The following FUT8 variants were observed in gnomAD, a reference collection of about 807,000 sequenced individuals.
The protein encoded by FUT8 is alpha-(1,6)-fucosyltransferase.
A neutral mutation model predicts 71.3 loss-of-function variants in FUT8; 29 were observed. That is an observed-to-expected ratio of 0.41 (90% CI 0.30 to 0.55). The LOEUF (loss-of-function observed/expected upper bound fraction) is 0.55, where lower values mean the gene tolerates loss of function less well. FUT8 is among the 20% of genes least tolerant of loss of function. The probability of loss-of-function intolerance (pLI) is 0.34; values close to 1 mark genes in which losing one functional copy is unlikely to be tolerated. For missense variants in FUT8, 544 were observed against 702.1 expected, an observed-to-expected ratio of 0.77 and a Z score of 2.55; for synonymous variants, 254 against 239.3, an observed-to-expected ratio of 1.06 and a Z score of -0.57.
At chr14:65,524,538 C>T (rs1278975766) in intron 2 of FUT8, among the ~76,000 whole-genome samples, 1 of 152,166 alleles carries the variant, frequency 6.6e-6, no homozygotes, top group Non-Finnish European at 1.5e-5. Flanking sequence ...ATTTGACTTC[C>T]TCTTTTCTCA....
rs11849252 is a variant in FUT8, at chr14:65,603,051, G to A, written c.204-12927G>A. On this transcript the variant is annotated intron_variant, in intron 3 of 10. Transcript: ENST00000673929. The surrounding 1 kb of genome is among the most constrained non-coding windows in gnomAD (Gnocchi z 4.5). ...TGTTACGTTTGCTTTTGAAGTCTTC[G>A]CCTAAGCCAATGTCTAGAAGGATTT... 6.6e-6 allele frequency among the ~76,000 whole-genome samples: 1 copy of A among 151,686 alleles called. No homozygotes were observed. Among genetic ancestry groups the A allele is most frequent in the South Asian group, 2.1e-4 (1 of 4,788 alleles).
chr14:65,571,820 A>T (rs918096843), intron 3 of FUT8, among the ~76,000 whole-genome samples: 2 of 152,128 alleles, frequency 1.3e-5, no homozygotes, highest in Admixed American at 1.3e-4. Flanking sequence ...CAAAAGTATT[A>T]TATCAGTTGT....
upstream of FUT8, chr14:65,411,122 C>G (rs189817888): frequency 5.9e-5 from 9 of 152,152 alleles, no homozygotes; most frequent in African/African-American, 2.2e-4. Context: ...CCTGCTTATA[C>G]GTTTAGTACA....
intron 1 of FUT8, among the ~76,000 whole-genome samples, chr14:65,421,813 C>T (rs1041421973): frequency 5.8e-5 from 8 of 136,848 alleles, no homozygotes; most frequent in Non-Finnish European, 1.1e-4. Flanking sequence ...GTGGCAAATC[C>T]TGTGAAGTCA....
intron 3 of FUT8, among the ~76,000 whole-genome samples, chr14:65,613,848 C>T (rs967997776): frequency 6.6e-6 from 1 of 152,086 alleles, no homozygotes; most frequent in African/African-American, 2.4e-5. Context: ...CGCCGTGGCT[C>T]ATACCTGTAA....
At position 65,539,645 on chromosome 14, in the gene FUT8, A is replaced by G. The variant is rs375584426; in HGVS notation, c.-227-21692A>G. On this transcript the variant is annotated intron_variant, in intron 2 of 10. Coordinates refer to ENST00000673929, the MANE Select transcript of FUT8 (RefSeq NM_001371533.1). ...TAGAGATAATAGAGAATGTTTATTG[A>G]GTGTTTACTATGTGCCAGATTTAAA... Among the ~76,000 whole-genome samples the G allele has an allele frequency of 1.2e-4, 19 of 152,328 alleles. 3 individuals carry two copies. Among genetic ancestry groups the G allele is most frequent in the African/African-American group, 4.3e-4 (18 of 41,578 alleles).
In FUT8 at chr14:65,729,554, G is replaced by C. The variant is rs1486283869; in HGVS notation, c.1260-3677G>C. Among the ~76,000 whole-genome samples, 5 of 149,404 alleles carry C rather than the reference G, an allele frequency of 3.3e-5. No homozygotes were observed. The East Asian group carries it at 9.9e-4, about 30-fold the overall frequency. ...TTTTTTTTTTTTTTTTTAAATACAG[G>C]GTCCAGGCTGGAGTGCAGTAGCACA... On this transcript the variant is annotated intron_variant, in intron 9 of 10. Transcript: ENST00000673929.
chr14:65,663,334 AT>A (rs1297881063), intron 6 of FUT8, among the ~76,000 whole-genome samples: 3 of 152,038 alleles, frequency 2.0e-5, no homozygotes, highest in Non-Finnish European at 4.4e-5. Flanking sequence ...AGTTCTTTTC[AT>A]CAGAATAAAT....
the FUT8 span, among the ~76,000 whole-genome samples, chr14:65,376,870 G>A: frequency 3.3e-5 from 5 of 152,136 alleles, no homozygotes; most frequent in Admixed American, 2.0e-4. Flanking sequence ...GTCTTGGAGA[G>A]CAAGGTGAGT....
chr14:65,546,796 A>T (rs1361471198), intron 2 of FUT8, among the ~76,000 whole-genome samples: 1 of 151,222 alleles, frequency 6.6e-6, no homozygotes, highest in African/African-American at 2.4e-5. Context: ...TTGTTGTTAT[A>T]TCTACCATGT....
chr14:65,688,274 C>T (rs1893398661), intron 7 of FUT8, among the ~76,000 whole-genome samples: 1 of 152,138 alleles, frequency 6.6e-6, no homozygotes, highest in South Asian at 2.1e-4. Context: ...CCCTTAACCC[C>T]TGGCAAACTA....
intron 2 of FUT8, among the ~76,000 whole-genome samples, chr14:65,471,743 T>C (rs79830401): frequency 6.6e-6 from 1 of 151,798 alleles, no homozygotes; most frequent in Non-Finnish European, 1.5e-5. Context: ...ATTATCAGTT[T>C]TTTTTTTTTT....
chr14:65,496,589 C>T (rs993377765), intron 2 of FUT8, among the ~76,000 whole-genome samples: 3 of 152,138 alleles, frequency 2.0e-5, no homozygotes, highest in Non-Finnish European at 4.4e-5. Context: ...TTCACCCACT[C>T]GCTCTCTCTT....
chr14:65,444,360 A>T (rs2065706781), intron 1 of FUT8, among the ~76,000 whole-genome samples: 1 of 152,212 alleles, frequency 6.6e-6, no homozygotes, highest in Non-Finnish European at 1.5e-5. Context: ...AGATGGAAAT[A>T]CAAAAAAGTA....
intron 2 of FUT8, among the ~76,000 whole-genome samples, chr14:65,456,669 T>C (rs1030180536): frequency 6.6e-6 from 1 of 151,806 alleles, no homozygotes; most frequent in Non-Finnish European, 1.5e-5. Context: ...GGTCAAGAGA[T>C]CAAGACCATC....
At chr14:65,649,711 A>C (rs2140318354) in intron 6 of FUT8, among the ~76,000 whole-genome samples, 1 of 152,334 alleles carries the variant, frequency 6.6e-6, no homozygotes, top group East Asian at 1.9e-4. Flanking sequence ...ATTTCAAATA[A>C]ATGTTATATT....
chr14:65,390,158 A>G, the FUT8 span, among the ~76,000 whole-genome samples: 1 of 150,614 alleles, frequency 6.6e-6, no homozygotes, highest in South Asian at 2.1e-4. Flanking sequence ...AAAGAAAATA[A>G]AAAATAAAAA....
At chr14:65,461,817 A>G (rs892264510) in intron 2 of FUT8, among the ~76,000 whole-genome samples, 1 of 152,176 alleles carries the variant, frequency 6.6e-6, no homozygotes, top group Non-Finnish European at 1.5e-5. Flanking sequence ...TCTCAATTCC[A>G]TCTCCCTGAC....
At chr14:65,540,356 A>G (rs1884603760) in intron 2 of FUT8, among the ~76,000 whole-genome samples, 1 of 152,208 alleles carries the variant, frequency 6.6e-6, no homozygotes. Context: ...TGAAAGCAGA[A>G]GTATTATGTG....
Sources: allele counts gnomAD v4.1 joint callset (sites outside exome capture counted in the v4.1 genomes callset), GRCh38; gene constraint gnomAD v4.1.1; non-coding constraint Gnocchi (gnomAD v3.1); transcripts MANE v1.5; gene names NCBI Gene and HGNC (gene_info 2026-07-23, HGNC 2026-07-21).